Variants in FREM2 observed in about 807,000 individuals in gnomAD.
FREM2 encodes the protein FRAS1-related extracellular matrix protein 2.
Under a neutral mutation model 219.9 loss-of-function variants are expected in FREM2, and 119 were observed. That is an observed-to-expected ratio of 0.54 (90% CI 0.47 to 0.63). The LOEUF is 0.63. Among genes scored for constraint, FREM2 ranks in the 30% least tolerant of loss-of-function variants. The pLI is 0.00. For missense variants in FREM2, 4,030 were observed against 3,993.6 expected, an observed-to-expected ratio of 1.01 and a Z score of -0.25; for synonymous variants, 1,562 against 1,522.8, an observed-to-expected ratio of 1.03 and a Z score of -0.60.
intron 6 of FREM2, among the ~76,000 whole-genome samples, chr13:38,829,029 C>CACTGCTTGGCTATATATA (rs1297581087): frequency 1.3e-5 from 2 of 152,022 alleles, no homozygotes; most frequent in Non-Finnish European, 2.9e-5. Context: ...CTGAGCCAAG[C>CACTGCTTGGCTATATATA]ACTGCTATAA....
At chr13:38,756,826 C>G (rs867007513) in intron 2 of FREM2, among the ~76,000 whole-genome samples, 8 of 152,030 alleles carry the variant, frequency 5.3e-5, no homozygotes, top group Non-Finnish European at 1.0e-4. Flanking sequence ...CCGGCGTGAA[C>G]CACCATGCCT....
chr13:38,754,895 G>T (rs60592990), intron 2 of FREM2, among the ~76,000 whole-genome samples: 25,370 of 98,608 alleles, frequency 0.26, 2,418 homozygotes, highest in Middle Eastern at 0.37. Context: ...TGATGATGAT[G>T]ATGATGATTA....
At chr13:38,830,116 T>C (rs1004160999) in intron 6 of FREM2, among the ~76,000 whole-genome samples, 1 of 152,140 alleles carries the variant, frequency 6.6e-6, no homozygotes. Flanking sequence ...TGTTGATATA[T>C]AGATTTTCTT....
rs963611283 is a variant in FREM2 at position 38,802,131 on chromosome 13, G to A, written c.6019+17323G>A. 6.6e-5 allele frequency among the ~76,000 whole-genome samples: 10 copies of A among 152,182 alleles called. No homozygotes were observed. In the South Asian group the frequency reaches 1.7e-3, roughly 25 times the overall value. On this transcript the variant is annotated intron_variant, in intron 6 of 23. Transcript: ENST00000280481. The stretch of plus-strand genomic sequence containing the variant: ...TGGTAGACTTGTCTTCAGGACCCCC[G>A]GTAGTGTGTTCAGGTGCTGGTTTTG...
rs1298732258 is a variant in FREM2 at position 38,848,575 on chromosome 13, T to C, written c.6284T>C (p.Ile2095Thr). The C allele has an allele frequency of 2.5e-6, 4 of 1,614,022 alleles. No individual in the cohort carries two copies. The highest frequency in any genetic ancestry group is 3.3e-5 in the Admixed American group (2 of 59,994). The change falls in exon 8 of 24, where the codon ATT becomes ACT. Residue 2095 changes from isoleucine (I) to threonine (T), a missense_variant. Coordinates refer to ENST00000280481, the MANE Select transcript of FREM2 (RefSeq NM_207361.6). Reference sequence around the variant, plus strand: ...CTTGGACAACCAGCGCTGGAGGGAATTGAGAAATTTGAACTGGTGCTTCGC... The same window carrying C: ...CTTGGACAACCAGCGCTGGAGGGAACTGAGAAATTTGAACTGGTGCTTCGC... Reference protein sequence around the residue: ...DDLGQPALEGIEKFELVLRMP... With the variant: ...DDLGQPALEGTEKFELVLRMP...
At chr13:38,838,443 G>A (rs1373198186) in intron 6 of FREM2, among the ~76,000 whole-genome samples, 1 of 152,120 alleles carries the variant, frequency 6.6e-6, no homozygotes, top group African/African-American at 2.4e-5. Flanking sequence ...ATGTCTTGGG[G>A]TTGCTCTTTT....
intron 5 of FREM2, among the ~76,000 whole-genome samples, chr13:38,784,050 G>T (rs1256649144): frequency 1.3e-5 from 2 of 152,242 alleles, no homozygotes; most frequent in African/African-American, 4.8e-5. Flanking sequence ...AGCGAGCCAA[G>T]ATCACGCCAT....
intron 4 of FREM2, among the ~76,000 whole-genome samples, chr13:38,780,322 T>A (rs545035942): frequency 6.6e-6 from 1 of 152,326 alleles, no homozygotes; most frequent in African/African-American, 2.4e-5. Flanking sequence ...TTTATTCTTC[T>A]GTTTCTTGCG....
chr13:38,843,311 G>A lies in FREM2; in HGVS notation c.6020-3262G>A, dbSNP rs147622823. On this transcript the variant is annotated intron_variant, in intron 6 of 23. Transcript: ENST00000280481. ...GGTACAAGGCACAGTATGTATTTAG[G>A]AGCTGAATTAAAGAATTGAATAGGC... 2.3e-3 allele frequency among the ~76,000 whole-genome samples: 352 copies of A among 152,112 alleles called. 1 individual carries two copies. The highest frequency in any genetic ancestry group is 8.2e-3 in the African/African-American group (341 of 41,496).
At chr13:38,834,960 T>A (rs921633104) in intron 6 of FREM2, among the ~76,000 whole-genome samples, 3 of 152,124 alleles carry the variant, frequency 2.0e-5, no homozygotes, top group Non-Finnish European at 4.4e-5. Flanking sequence ...TAATTAGATC[T>A]CATTTGTCAA....
At position 38,691,741 on chromosome 13, in the gene FREM2, G is replaced by A. The variant is rs200981738; in HGVS notation, c.4397G>A (p.Arg1466Gln). ...LVFTITRAPM[R>Q]GHLECTDQPG... ...TTTACCATCACCAGGGCTCCCATGC[G>A]AGGTCACCTGGAATGCACGGATCAG... Residue 1466 changes from arginine to glutamine, a missense_variant, in exon 1 of 24, where the codon CGA becomes CAA. This residue lies in a region of FREM2 where 3,102 missense variants were observed against 2,950.7 expected (regional missense o/e 1.05). Coordinates refer to ENST00000280481, the MANE Select transcript of FREM2 (RefSeq NM_207361.6). The A allele has an allele frequency of 1.9e-5, 30 of 1,613,764 alleles. 1 individual carries two copies. Among genetic ancestry groups the A allele is most frequent in the South Asian group, 1.4e-4 (13 of 91,082 alleles).
chr13:38,828,873 G>A (rs1211204059), intron 6 of FREM2, among the ~76,000 whole-genome samples: 1 of 152,058 alleles, frequency 6.6e-6, no homozygotes, highest in Non-Finnish European at 1.5e-5. Context: ...TGGGCATTTA[G>A]ACTGGTTTCA....
chr13:38,850,959 C>T lies in FREM2; in HGVS notation c.6593C>T (p.Pro2198Leu). The T allele has an allele frequency of 6.2e-7, 1 of 1,612,458 alleles. No homozygotes were observed. ...ATTGTTCCAGGTGAGACAGAAAAGC[C>T]CTGCATTCTTGAGCTGATGGACGAT... ...ITFLPGETEK[P>L]CILELMDDVL... The change falls in exon 10 of 24, where the codon CCC becomes CTC. Residue 2198 changes from proline to leucine, a missense_variant. By Grantham distance (98) the Pro-to-Leu change is moderately conservative. Transcript: ENST00000280481.
At chr13:38,851,271 A>G (rs1196316338) in intron 10 of FREM2, among the ~76,000 whole-genome samples, 163 bp downstream of exon 10, 1 of 152,196 alleles carries the variant, frequency 6.6e-6, no homozygotes, top group African/African-American at 2.4e-5. Flanking sequence ...TGGGGAACAA[A>G]ATAAACCATT....
chr13:38,716,594 TCATA>T (rs1361643752), intron 2 of FREM2, among the ~76,000 whole-genome samples: 1 of 151,910 alleles, frequency 6.6e-6, no homozygotes, highest in Non-Finnish European at 1.5e-5. Context: ...CTCACTGAGA[TCATA>T]CAAGTCTCAA....
intron 2 of FREM2, among the ~76,000 whole-genome samples, chr13:38,738,375 G>A (rs890296546): frequency 8.6e-5 from 13 of 151,848 alleles, no homozygotes; most frequent in African/African-American, 3.1e-4. Context: ...AAAGCATCCT[G>A]GGCAACATGG....
intron 12 of FREM2, among the ~76,000 whole-genome samples, chr13:38,857,329 A>G (rs1877599450): frequency 6.6e-6 from 1 of 152,152 alleles, no homozygotes; most frequent in Admixed American, 6.5e-5. Context: ...GCAGGTGTTC[A>G]TAGATTCCTC....
intron 6 of FREM2, among the ~76,000 whole-genome samples, chr13:38,834,987 T>A (rs192318172): frequency 2.6e-5 from 4 of 152,140 alleles, no homozygotes; most frequent in Non-Finnish European, 5.9e-5. Flanking sequence ...CTTTTGTTGC[T>A]ATTGCTTTTG....
intron 6 of FREM2, among the ~76,000 whole-genome samples, chr13:38,799,930 T>TG (rs1238856779): frequency 2.6e-5 from 4 of 152,154 alleles, no homozygotes; most frequent in Admixed American, 2.6e-4. Context: ...ATTCAGCCAG[T>TG]CTGTATCTTT....
Sources: gnomAD v4.1 joint callset for allele counts (sites outside exome capture counted in the v4.1 genomes callset) on GRCh38, gnomAD v4.1.1 for gene constraint, gnomAD v4.1.1 regional missense constraint, MANE v1.5 for transcripts, NCBI Gene and HGNC (gene_info 2026-07-23, HGNC 2026-07-21) for gene names.